Variants in DCC observed in about 807,000 individuals in gnomAD.
DCC encodes DCC netrin 1 receptor, also known as netrin receptor DCC.
Under a neutral mutation model 172.5 loss-of-function variants are expected in DCC, and 58 were observed. That is an observed-to-expected ratio of 0.34 (90% CI 0.27 to 0.42). The LOEUF (loss-of-function observed/expected upper bound fraction) is 0.42. Ranked by LOEUF, DCC falls within the 10% of genes least tolerant of loss-of-function variation. The pLI is 1.00. For missense variants in DCC, 1,740 were observed against 1,791.0 expected (o/e 0.97, Z 0.51); for synonymous variants, 709 against 644.5 (o/e 1.10, Z -1.52).
chr18:53,433,503 T>A (rs1453696499), intron 21 of DCC, among the ~76,000 whole-genome samples: 1 of 152,136 alleles, frequency 6.6e-6, no homozygotes, highest in Non-Finnish European at 1.5e-5. Flanking sequence ...TGTTAGCATC[T>A]CTTTTGGCTG....
intron 2 of DCC, among the ~76,000 whole-genome samples, chr18:52,848,570 T>G (rs1295825560): frequency 6.6e-6 from 1 of 152,202 alleles, no homozygotes; most frequent in Non-Finnish European, 1.5e-5. Flanking sequence ...TATATTTACT[T>G]AATGTAAGTA....
chr18:52,410,178 C>G (rs890615962), intron 1 of DCC, among the ~76,000 whole-genome samples: 1 of 152,116 alleles, frequency 6.6e-6, no homozygotes, highest in Admixed American at 6.5e-5. Context: ...CATCCCAGCA[C>G]TTTGGGAGGC....
At chr18:52,583,380 G>A (rs1302183570) in intron 1 of DCC, among the ~76,000 whole-genome samples, 2 of 152,142 alleles carry the variant, frequency 1.3e-5, no homozygotes, top group East Asian at 3.8e-4. Flanking sequence ...TCTTTGAGAA[G>A]TTGTCACAAA....
At chr18:53,499,554 G>A in intron 27 of DCC, 44 bp downstream of exon 27, 2 of 1,507,240 alleles carry the variant, frequency 1.3e-6, no homozygotes, top group Non-Finnish European at 1.8e-6. Context: ...TATTATTATT[G>A]GTGCCTCTAT....
chr18:52,650,739 G>A lies in DCC; in HGVS notation c.92-101315G>A, dbSNP rs148469099. ...TGATTTAAAAACTGAAAATACAATA[G>A]CAAACAGAGTTTTTCATGTAGCTGA... On this transcript the variant is annotated intron_variant, in intron 1 of 28. Coordinates refer to ENST00000442544, the MANE Select transcript of DCC (RefSeq NM_005215.4). 5.5e-4 allele frequency among the ~76,000 whole-genome samples: 84 copies of A among 152,236 alleles called. 1 individual carries two copies. In the East Asian group the frequency reaches 0.015, roughly 27 times the overall value.
intron 12 of DCC, among the ~76,000 whole-genome samples, chr18:53,264,494 A>G (rs866824647): frequency 1.0e-3 from 157 of 151,340 alleles, no homozygotes; most frequent in Middle Eastern, 3.4e-3. Context: ...AAAAAAAAAA[A>G]AAGAAGAAGA....
chr18:53,443,362 T>G (rs1912395363), intron 22 of DCC, among the ~76,000 whole-genome samples: 1 of 152,218 alleles, frequency 6.6e-6, no homozygotes, highest in Admixed American at 6.5e-5. Context: ...CAAAGTCTGG[T>G]TAACTACACA....
At chr18:52,521,310 C>T (rs2031806648) in intron 1 of DCC, among the ~76,000 whole-genome samples, 1 of 152,090 alleles carries the variant, frequency 6.6e-6, no homozygotes, top group South Asian at 2.1e-4. Flanking sequence ...TTTAAACTCC[C>T]ATCATGTTCA....
chr18:53,518,029 A>G (rs1159112904), intron 27 of DCC, among the ~76,000 whole-genome samples: 1 of 152,140 alleles, frequency 6.6e-6, no homozygotes, highest in Non-Finnish European at 1.5e-5. Context: ...TTCCTTGCCT[A>G]TCAGAAGTGT....
At chr18:52,542,599 G>A (rs930454691) in intron 1 of DCC, among the ~76,000 whole-genome samples, 1 of 152,172 alleles carries the variant, frequency 6.6e-6, no homozygotes, top group East Asian at 1.9e-4. Context: ...ACTTTGGAAG[G>A]CCGAGGTGGG....
At chr18:53,242,845 G>A (rs190785755) in intron 12 of DCC, among the ~76,000 whole-genome samples, 147 of 151,292 alleles carry the variant, frequency 9.7e-4, no homozygotes, top group African/African-American at 3.2e-3. Flanking sequence ...AGGGGATAAA[G>A]GTGTCCAGAC....
chr18:53,110,564 C>T (rs909490482), intron 7 of DCC, among the ~76,000 whole-genome samples: 2 of 151,750 alleles, frequency 1.3e-5, no homozygotes, highest in African/African-American at 4.8e-5. Flanking sequence ...AAAAAACAAA[C>T]AACCCTATCA....
At position 53,393,899 on chromosome 18, in the gene DCC, C is replaced by T. The variant is rs544394238; in HGVS notation, c.2688+2012C>T. On this transcript the variant is annotated intron_variant, in intron 17 of 28. Transcript: ENST00000442544. Reference sequence around the variant, plus strand: ...GGCTTTCAATTACTAATGTACTATTCCCTCTCTCTCTCTCCCTCTCTCCCT... The same window carrying T: ...GGCTTTCAATTACTAATGTACTATTTCCTCTCTCTCTCTCCCTCTCTCCCT... Among the ~76,000 whole-genome samples the T allele has an allele frequency of 2.4e-3, 359 of 150,866 alleles. 3 individuals are homozygous for T. The highest frequency in any genetic ancestry group is 8.4e-3 in the African/African-American group (345 of 41,282).
At chr18:53,348,776 C>G (rs8088265) in intron 15 of DCC, among the ~76,000 whole-genome samples, 6,567 of 152,206 alleles carry the variant, frequency 0.043, 461 homozygotes, top group African/African-American at 0.15. Flanking sequence ...TACATTGGCA[C>G]CTTTCAGTCA....
chr18:53,173,458 C>T (rs1006342800), intron 8 of DCC, among the ~76,000 whole-genome samples: 1 of 152,010 alleles, frequency 6.6e-6, no homozygotes, highest in Non-Finnish European at 1.5e-5. Context: ...GTTGTGCTAC[C>T]ATCACCACCA....
intron 5 of DCC, among the ~76,000 whole-genome samples, chr18:52,930,942 T>A (rs1420195455): frequency 6.6e-6 from 1 of 152,132 alleles, no homozygotes; most frequent in East Asian, 1.9e-4. Flanking sequence ...AATGTTTAAA[T>A]TAGAAGCATG....
intron 28 of DCC, 62 bp from the exon 29 acceptor site, chr18:53,530,502 G>A: frequency 1.1e-6 from 1 of 940,642 alleles, no homozygotes; most frequent in Non-Finnish European, 1.8e-6. Context: ...TGTGGCCCCG[G>A]CCTTCATAAA....
intron 1 of DCC, among the ~76,000 whole-genome samples, chr18:52,576,830 A>AAC (rs1491243333): frequency 3.8e-5 from 1 of 26,650 alleles, no homozygotes; most frequent in Non-Finnish European, 1.0e-4. Flanking sequence ...CCTCCATCTC[A>AAC]AAAAAAAAAA....
At chr18:52,912,290 A>G (rs976169579) in intron 3 of DCC, among the ~76,000 whole-genome samples, 1 of 150,926 alleles carries the variant, frequency 6.6e-6, no homozygotes, top group African/African-American at 2.4e-5. Flanking sequence ...CAATGCCTGT[A>G]ACTTCAAAGT....
Sources: gnomAD v4.1 joint callset for allele counts (sites outside exome capture counted in the v4.1 genomes callset) on GRCh38, gnomAD v4.1.1 for gene constraint, MANE v1.5 for transcripts, NCBI Gene and HGNC (gene_info 2026-07-23, HGNC 2026-07-21) for gene names.